The following DENND2C variants were observed in gnomAD, a reference collection of about 807,000 sequenced individuals.
DENND2C encodes the protein DENN domain-containing protein 2C.
A neutral mutation model predicts 112.4 loss-of-function variants in DENND2C; 72 were observed. That is an observed-to-expected ratio of 0.64 (90% CI 0.53 to 0.78). DENND2C has a LOEUF of 0.78. Among genes scored for constraint, DENND2C ranks in the 30% least tolerant of loss-of-function variants. The probability of loss-of-function intolerance (pLI) is 0.00; values close to 1 mark genes in which losing one functional copy is unlikely to be tolerated. For missense variants in DENND2C, 992 were observed against 1,113.8 expected (o/e 0.89, Z 1.56); for synonymous variants, 329 against 381.6 (o/e 0.86, Z 1.61).
intron 8 of DENND2C, among the ~76,000 whole-genome samples, chr1:114,612,880 C>G (rs1056091902): frequency 1.1e-4 from 17 of 152,084 alleles, no homozygotes; most frequent in African/African-American, 4.1e-4. Flanking sequence ...AGGCTAGTCT[C>G]AAACTCCTGG....
intron 1 of DENND2C, among the ~76,000 whole-genome samples, chr1:114,666,816 A>G (rs1334039432): frequency 6.6e-6 from 1 of 152,228 alleles, no homozygotes; most frequent in Non-Finnish European, 1.5e-5. Context: ...ACTTCAAAGT[A>G]TTAAAAGTAC....
chr1:114,650,315 TTC>T (rs1657118415), intron 2 of DENND2C, among the ~76,000 whole-genome samples: 1 of 148,526 alleles, frequency 6.7e-6, no homozygotes, highest in Non-Finnish European at 1.5e-5. Flanking sequence ...AAGAGCGAAA[TTC>T]TGTCTTAAAA....
At chr1:114,613,290 GTATT>G in intron 8 of DENND2C, among the ~76,000 whole-genome samples, 1 of 152,286 alleles carries the variant, frequency 6.6e-6, no homozygotes, top group South Asian at 2.1e-4. Flanking sequence ...TAGTGTAAGA[GTATT>G]TGTGTAGAAA....
chr1:114,634,533 C>T (rs1656592405), intron 3 of DENND2C, among the ~76,000 whole-genome samples: 1 of 152,006 alleles, frequency 6.6e-6, no homozygotes, highest in African/African-American at 2.4e-5. Flanking sequence ...ACCAATAGAC[C>T]ATATGTTGGG....
rs1172984464 is a variant in DENND2C at position 114,600,853 on chromosome 1, T to C, written c.1923A>G (p.Thr641=). 1.2e-6 allele frequency: 2 copies of C among 1,613,872 alleles called. No homozygotes were observed. The highest frequency in any genetic ancestry group is 3.3e-5 in the Admixed American group (2 of 59,982). The change falls in exon 14 of 21, where the codon ACA becomes ACG. Residue 641 remains threonine (T), a synonymous_variant. Coordinates refer to ENST00000393274, the MANE Select transcript of DENND2C (RefSeq NM_001256404.2). ...CAGCCCCAGGGAGGTAACTCTTAAC[T>C]GTGATGGTGCGTCCAGGAGCTGGGA... is the stretch of plus-strand genomic sequence containing the variant. ...APFPAPGRTI[T]VKSYLPGAGD...
chr1:114,668,571 C>T (rs1475158115), intron 1 of DENND2C, among the ~76,000 whole-genome samples: 1 of 149,228 alleles, frequency 6.7e-6, no homozygotes, highest in Non-Finnish European at 1.5e-5. Flanking sequence ...TAATGAAAGA[C>T]CAAGACACAT....
At chr1:114,620,106 C>T (rs1042497450) in intron 7 of DENND2C, among the ~76,000 whole-genome samples, 7 of 152,088 alleles carry the variant, frequency 4.6e-5, no homozygotes, top group Non-Finnish European at 7.4e-5. Context: ...GTTTCCCTTC[C>T]AGGGACAGCT....
intron 1 of DENND2C, among the ~76,000 whole-genome samples, chr1:114,669,782 C>A (rs1334140998): frequency 6.6e-6 from 1 of 152,158 alleles, no homozygotes; most frequent in South Asian, 2.1e-4. Context: ...GCCCAACAAC[C>A]GGTTGCTCCT....
At chr1:114,588,886 T>C (rs182103322) in intron 18 of DENND2C, among the ~76,000 whole-genome samples, 1 of 152,318 alleles carries the variant, frequency 6.6e-6, no homozygotes, top group African/African-American at 2.4e-5. Flanking sequence ...TGAGCCACCA[T>C]GCCTGGCTGA....
chr1:114,595,747 T>C (rs947767516), intron 17 of DENND2C, 85 bp downstream of exon 17: 2 of 1,259,934 alleles, frequency 1.6e-6, no homozygotes, highest in African/African-American at 1.5e-5. Flanking sequence ...TCATATTCTC[T>C]AAGTACTTTC....
At chr1:114,658,969 G>A (rs1000583923) in intron 1 of DENND2C, among the ~76,000 whole-genome samples, 1 of 152,004 alleles carries the variant, frequency 6.6e-6, no homozygotes, top group Non-Finnish European at 1.5e-5. Context: ...TTCTCTTTTT[G>A]GAGTGCACAT....
At chr1:114,589,521 ATCTTTTT>A (rs1655127337) in intron 18 of DENND2C, among the ~76,000 whole-genome samples, 1 of 151,490 alleles carries the variant, frequency 6.6e-6, no homozygotes, top group Non-Finnish European at 1.5e-5. Context: ...CACTGCATTT[ATCTTTTT>A]TCTTTTTTTT....
At chr1:114,657,576 G>A (rs1035355202) in intron 1 of DENND2C, among the ~76,000 whole-genome samples, 8 of 152,130 alleles carry the variant, frequency 5.3e-5, no homozygotes, top group Non-Finnish European at 8.8e-5. Flanking sequence ...CAGATACATT[G>A]TCAAAAGGTC....
intron 15 of DENND2C, 79 bp downstream of exon 15, chr1:114,600,125 T>A (rs1423711784): frequency 2.8e-5 from 41 of 1,454,946 alleles, no homozygotes; most frequent in South Asian, 2.0e-4. Context: ...AATAGTAAAA[T>A]AAAAAAAAAT....
chr1:114,620,238 G>A (rs2101662615), intron 7 of DENND2C, among the ~76,000 whole-genome samples: 1 of 152,248 alleles, frequency 6.6e-6, no homozygotes, highest in South Asian at 2.1e-4. Flanking sequence ...ATCCAAGGAG[G>A]GTCACAGGTA....
chr1:114,608,837 G>A lies in DENND2C; in HGVS notation c.1406C>T (p.Ser469Phe), dbSNP rs751720338. 1.2e-6 allele frequency: 2 copies of A among 1,614,190 alleles called. No individual in the cohort carries two copies. Among genetic ancestry groups the A allele is most frequent in the African/African-American group, 1.3e-5 (1 of 75,050 alleles). Residue 469 changes from serine to phenylalanine, a missense_variant, in exon 10 of 21, where the codon TCC becomes TTC. By Grantham distance (155) the Ser-to-Phe change is radical (BLOSUM62 -2). Transcript: ENST00000393274. The stretch of plus-strand genomic sequence containing the variant: ...GGTCTGGTAGTGAGGATTCCTCTTG[G>A]AAGACGGTTGCAGTTGTGCTAAGCG... ...HKRLAQLQPSSKRNPHYQTLE... is the reference protein window; with the variant it reads ...HKRLAQLQPSFKRNPHYQTLE...
chr1:114,624,163 T>C (rs1244000818), intron 4 of DENND2C, among the ~76,000 whole-genome samples: 2 of 152,236 alleles, frequency 1.3e-5, no homozygotes, highest in Non-Finnish European at 2.9e-5. Context: ...TGGATGCTTG[T>C]AGCCAATCAC....
chr1:114,623,290 A>G (rs1190014343), intron 5 of DENND2C, among the ~76,000 whole-genome samples, 191 bp from the exon 6 acceptor site: 1 of 152,196 alleles, frequency 6.6e-6, no homozygotes, highest in African/African-American at 2.4e-5. Context: ...TCTCAAAATA[A>G]TATATTATAA....
intron 3 of DENND2C, 152 bp from the exon 4 acceptor site, chr1:114,626,340 A>C (rs1031010885): frequency 2.2e-5 from 4 of 185,658 alleles, no homozygotes; most frequent in Admixed American, 1.1e-4. Context: ...AACTACATAA[A>C]GGCACTCCTA....
Sources: allele counts gnomAD v4.1 joint callset (sites outside exome capture counted in the v4.1 genomes callset), GRCh38; gene constraint gnomAD v4.1.1; transcripts MANE v1.5; gene names NCBI Gene and HGNC (gene_info 2026-07-23, HGNC 2026-07-21).